The following GALNT13 variants were observed in gnomAD, a reference collection of about 807,000 sequenced individuals.
GALNT13 encodes polypeptide N-acetylgalactosaminyltransferase 13, also known as UDP-GalNAc:polypeptide N-acetylgalactosaminyltransferase 13.
GALNT13 carries 28 observed loss-of-function variants against 64.2 expected under a neutral mutation model. The observed-to-expected ratio is 0.44, with a 90% CI of 0.32 to 0.60. GALNT13 has a LOEUF of 0.60. GALNT13 is among the 20% of genes least tolerant of loss of function. GALNT13 has a pLI of 0.05. For missense variants in GALNT13, 577 were observed against 669.8 expected, an observed-to-expected ratio of 0.86 and a Z score of 1.53; for synonymous variants, 214 against 224.6, an observed-to-expected ratio of 0.95 and a Z score of 0.42.
chr2:153,702,230 C>A, the GALNT13 span, among the ~76,000 whole-genome samples: 1 of 152,074 alleles, frequency 6.6e-6, no homozygotes, highest in Non-Finnish European at 1.5e-5. Context: ...TCATCCTCAG[C>A]AAACCAACAT....
the GALNT13 span, among the ~76,000 whole-genome samples, chr2:153,643,105 G>A: frequency 6.6e-6 from 1 of 151,100 alleles, no homozygotes; most frequent in East Asian, 1.9e-4. Flanking sequence ...ATATACAAAA[G>A]TTTGAAAAAT....
At chr2:153,070,728 G>A in the GALNT13 span, among the ~76,000 whole-genome samples, 1 of 152,146 alleles carries the variant, frequency 6.6e-6, no homozygotes, top group South Asian at 2.1e-4. Flanking sequence ...GCTCTTCTCT[G>A]CAACAGGCTT....
chr2:154,294,453 C>G (rs573982086), intron 8 of GALNT13, among the ~76,000 whole-genome samples: 2 of 152,190 alleles, frequency 1.3e-5, no homozygotes, highest in Non-Finnish European at 2.9e-5. Context: ...AACCAGATTT[C>G]ATTTCCTGTT....
chr2:153,656,221 C>G, the GALNT13 span, among the ~76,000 whole-genome samples: 2 of 151,868 alleles, frequency 1.3e-5, no homozygotes, highest in South Asian at 4.1e-4. Flanking sequence ...GTGAATAAAA[C>G]AAAAGACAAT....
intron 4 of GALNT13, among the ~76,000 whole-genome samples, chr2:154,225,969 A>C (rs534244278): frequency 6.6e-6 from 1 of 152,234 alleles, no homozygotes; most frequent in South Asian, 2.1e-4. Context: ...TGTAGGTCAA[A>C]TATTTTCTTG....
the GALNT13 span, among the ~76,000 whole-genome samples, chr2:153,653,661 A>G: frequency 2.0e-5 from 3 of 152,298 alleles, no homozygotes; most frequent in African/African-American, 7.2e-5. Context: ...CAAAACACCT[A>G]AAGTCTATGA....
chr2:154,152,664 G>A (rs893901563), intron 4 of GALNT13, among the ~76,000 whole-genome samples: 9 of 151,842 alleles, frequency 5.9e-5, no homozygotes, highest in Non-Finnish European at 1.0e-4. Flanking sequence ...TTCCCCTCTC[G>A]CTTCATTTCA....
At chr2:154,206,759 G>C (rs2105790644) in intron 4 of GALNT13, among the ~76,000 whole-genome samples, 1 of 151,648 alleles carries the variant, frequency 6.6e-6, no homozygotes, top group Middle Eastern at 3.4e-3. Context: ...ATTCCAGCCT[G>C]GGTGACAGAG....
At chr2:153,168,857 T>C in the GALNT13 span, among the ~76,000 whole-genome samples, 44 of 152,336 alleles carry the variant, frequency 2.9e-4, no homozygotes, top group African/African-American at 1.1e-3. Flanking sequence ...TGTCAATTCA[T>C]ATACTTTCAG....
chr2:153,703,485 T>C, the GALNT13 span, among the ~76,000 whole-genome samples: 17 of 152,194 alleles, frequency 1.1e-4, no homozygotes, highest in African/African-American at 4.1e-4. Context: ...CTAAAACAGG[T>C]TTTTCATCTT....
At chr2:153,980,039 T>G (rs1694353774) in intron 3 of GALNT13, among the ~76,000 whole-genome samples, 1 of 152,180 alleles carries the variant, frequency 6.6e-6, no homozygotes, top group Non-Finnish European at 1.5e-5. Flanking sequence ...AATTGCATGT[T>G]GAATTACAAT....
rs545060399 is a variant in GALNT13 at position 154,120,087 on chromosome 2, T to G, written c.143-20250T>G. ...AGGTTTTTTGTTTGTTTGTTTGTTTTTTTGTCAGGGATAGATCTTAACTAT... is the reference window on the plus strand; with the variant it reads ...AGGTTTTTTGTTTGTTTGTTTGTTTGTTTGTCAGGGATAGATCTTAACTAT... On this transcript the variant is annotated intron_variant, in intron 3 of 12. Transcript: ENST00000392825. 2.4e-4 allele frequency among the ~76,000 whole-genome samples: 37 copies of G among 151,310 alleles called. No individual in the cohort carries two copies. The East Asian group carries it at 2.6e-3, about 11-fold the overall frequency.
the GALNT13 span, among the ~76,000 whole-genome samples, chr2:153,345,635 TTTTCTTTCTTTCTTTC>T: frequency 1.2e-3 from 81 of 68,858 alleles, no homozygotes; most frequent in Middle Eastern, 8.2e-3. Flanking sequence ...TTTCCTTTCT[TTTTCTTTCTTTCTTTC>T]TTTCTTTCTT....
chr2:153,483,230 C>G, the GALNT13 span, among the ~76,000 whole-genome samples: 1 of 151,954 alleles, frequency 6.6e-6, no homozygotes, highest in African/African-American at 2.4e-5. Flanking sequence ...TAGGTATATA[C>G]CCCTCAACAT....
the GALNT13 span, among the ~76,000 whole-genome samples, chr2:153,541,536 C>G: frequency 1.3e-5 from 2 of 152,140 alleles, no homozygotes; most frequent in Non-Finnish European, 2.9e-5. Context: ...TCCCCAAAGC[C>G]AGTCATAAAA....
At chr2:153,147,213 T>C in the GALNT13 span, among the ~76,000 whole-genome samples, 1 of 151,854 alleles carries the variant, frequency 6.6e-6, no homozygotes, top group Non-Finnish European at 1.5e-5. Flanking sequence ...GCTTATTTTC[T>C]TAGGTTCACG....
chr2:153,191,218 A>T, the GALNT13 span, among the ~76,000 whole-genome samples: 1 of 152,032 alleles, frequency 6.6e-6, no homozygotes, highest in Non-Finnish European at 1.5e-5. Context: ...TTTGTCTTAT[A>T]TGGCCTTTAT....
At chr2:153,617,016 C>T in the GALNT13 span, among the ~76,000 whole-genome samples, 2 of 151,908 alleles carry the variant, frequency 1.3e-5, no homozygotes, top group South Asian at 2.1e-4. Flanking sequence ...CTTCAACAGC[C>T]ACTTTCAGCA....
intron 3 of GALNT13, among the ~76,000 whole-genome samples, chr2:153,985,904 T>C (rs955351710): frequency 6.6e-6 from 1 of 152,106 alleles, no homozygotes; most frequent in African/African-American, 2.4e-5. Context: ...CTGTATTTAG[T>C]TTCCTTGGTG....
Sources: allele counts gnomAD v4.1 joint callset (sites outside exome capture counted in the v4.1 genomes callset), GRCh38; gene constraint gnomAD v4.1.1; transcripts MANE v1.5; gene names NCBI Gene and HGNC (gene_info 2026-07-23, HGNC 2026-07-21).